Variants in FHIP1A observed in about 807,000 individuals in gnomAD.
FHIP1A encodes the protein FHF complex subunit HOOK-interacting protein 1A.
FHIP1A carries 61 observed loss-of-function variants against 88.6 expected under a neutral mutation model. That is an observed-to-expected ratio of 0.69 (90% CI 0.56 to 0.85). FHIP1A has a LOEUF of 0.85. Among genes scored for constraint, FHIP1A ranks in the 40% least tolerant of loss-of-function variants. The probability of loss-of-function intolerance (pLI) is 0.00; values close to 1 mark genes in which losing one functional copy is unlikely to be tolerated. For missense variants in FHIP1A, 1,154 were observed against 1,273.5 expected (o/e 0.91, Z 1.43); for synonymous variants, 478 against 496.0 (o/e 0.96, Z 0.48).
chr4:151,657,783 G>C (rs1371953829), intron 13 of FHIP1A, among the ~76,000 whole-genome samples: 1 of 152,306 alleles, frequency 6.6e-6, no homozygotes, highest in African/African-American at 2.4e-5. Context: ...GGCAGTGAGC[G>C]GCAGAAATGA....
At chr4:151,531,256 A>G (rs1684441574) in intron 3 of FHIP1A, among the ~76,000 whole-genome samples, 1 of 151,778 alleles carries the variant, frequency 6.6e-6, no homozygotes, top group African/African-American at 2.4e-5. Flanking sequence ...GTTCAGGCAT[A>G]ATATCTGCTG....
chr4:151,639,222 T>C (rs1736478077), intron 9 of FHIP1A, among the ~76,000 whole-genome samples: 1 of 152,256 alleles, frequency 6.6e-6, no homozygotes, highest in Admixed American at 6.5e-5. Context: ...TGTGAGTATA[T>C]TTCAGTTAAA....
At chr4:151,425,136 A>C (rs1733313302) in intron 1 of FHIP1A, among the ~76,000 whole-genome samples, 1 of 152,224 alleles carries the variant, frequency 6.6e-6, no homozygotes, top group African/African-American at 2.4e-5. Context: ...TATAGGAAAT[A>C]CACAGAACCA....
intron 3 of FHIP1A, among the ~76,000 whole-genome samples, chr4:151,523,064 C>T (rs1290289612): frequency 1.3e-5 from 2 of 152,188 alleles, no homozygotes; most frequent in Admixed American, 1.3e-4. Context: ...TAGAGAATGG[C>T]AAATGCAGTC....
chr4:151,513,727 G>T (rs1263849467), intron 3 of FHIP1A, among the ~76,000 whole-genome samples: 1 of 152,038 alleles, frequency 6.6e-6, no homozygotes, highest in Non-Finnish European at 1.5e-5. Flanking sequence ...TAATGGTAAA[G>T]GGATCAATTC....
At chr4:151,623,333 C>T (rs976604436) in intron 7 of FHIP1A, among the ~76,000 whole-genome samples, 5 of 152,052 alleles carry the variant, frequency 3.3e-5, no homozygotes, top group Non-Finnish European at 5.9e-5. Flanking sequence ...GTAGCCTATC[C>T]CTTGTGACCA....
In FHIP1A at chr4:151,547,224, A is replaced by AGTGCTGGTGATATGTTAGAAAG. The variant is rs552623239; in HGVS notation, c.-122-18913_-122-18892dup. Among the ~76,000 whole-genome samples, 1,337 of 152,276 alleles carry AGTGCTGGTGATATGTTAGAAAG rather than the reference A, an allele frequency of 8.8e-3. 69 individuals carry two copies. Among genetic ancestry groups the AGTGCTGGTGATATGTTAGAAAG allele is most frequent in the Admixed American group, 0.073 (1,118 of 15,276 alleles). On this transcript the variant is annotated intron_variant, in intron 3 of 13. Transcript: ENST00000435205. ...CAGTGGCAGAAGTACCTGCAGATAC[A>AGTGCTGGTGATATGTTAGAAAG]GTGCTGGTGATATGTTAGAAAGAAG...
chr4:151,621,560 G>A (rs977989025), intron 7 of FHIP1A, among the ~76,000 whole-genome samples: 2 of 150,416 alleles, frequency 1.3e-5, no homozygotes, highest in Non-Finnish European at 3.0e-5. Flanking sequence ...AGGGGGTGGT[G>A]GGGGGTGCGT....
intron 2 of FHIP1A, among the ~76,000 whole-genome samples, chr4:151,455,402 C>A (rs375076655): frequency 9.8e-5 from 15 of 152,310 alleles, no homozygotes; most frequent in South Asian, 8.3e-4. Context: ...GAGGGCAGGT[C>A]ATCCCTCAGC....
At chr4:151,560,128 A>G (rs1039324398) in intron 3 of FHIP1A, among the ~76,000 whole-genome samples, 1 of 152,204 alleles carries the variant, frequency 6.6e-6, no homozygotes, top group African/African-American at 2.4e-5. Flanking sequence ...TCATGGATGT[A>G]TATGGAATTT....
At chr4:151,593,809 T>C (rs1197805238) in intron 7 of FHIP1A, among the ~76,000 whole-genome samples, 3 of 152,120 alleles carry the variant, frequency 2.0e-5, no homozygotes, top group Non-Finnish European at 4.4e-5. Context: ...TGAATAGGAG[T>C]GGTGAGAGAG....
chr4:151,609,703 C>T (rs1735221957), intron 7 of FHIP1A, among the ~76,000 whole-genome samples: 1 of 152,082 alleles, frequency 6.6e-6, no homozygotes, highest in Admixed American at 6.6e-5. Context: ...GGCATGTGTT[C>T]AGCTGATACC....
chr4:151,626,194 T>TATTA (rs1233058332), intron 7 of FHIP1A, among the ~76,000 whole-genome samples: 1 of 152,216 alleles, frequency 6.6e-6, no homozygotes, highest in African/African-American at 2.4e-5. Flanking sequence ...GGCACTCTAA[T>TATTA]ATTTTCTATT....
rs1737634983 is a variant in FHIP1A at position 151,665,639 on chromosome 4, G to A, written c.*2885G>A. The stretch of plus-strand genomic sequence containing the variant: ...AGAGCAAATCCTGCACGATTCGGGG[G>A]AGTGAACATTGATCTAGGCGGATAT... On this transcript the variant is annotated 3_prime_UTR_variant, in exon 14 of 14. Coordinates refer to ENST00000435205, the MANE Select transcript of FHIP1A (RefSeq NM_001109977.3). Among the ~76,000 whole-genome samples the A allele has an allele frequency of 6.6e-6, 1 of 152,196 alleles. No homozygotes were observed.
rs1732325138 is a variant in FHIP1A, at chr4:151,542,312, C to CT, written c.-122-23819dup. On this transcript the variant is annotated intron_variant, in intron 3 of 13. Transcript: ENST00000435205. ...TTAAGGAAATCAAAATACATGGAAA[C>CT]TTTTTTTGTCCAGCCCTTGGTGGAA... Among the ~76,000 whole-genome samples, 5 of 152,198 alleles carry CT rather than the reference C, an allele frequency of 3.3e-5. No individual in the cohort carries two copies. The South Asian group carries it at 8.3e-4, about 25-fold the overall frequency.
chr4:151,655,194 A>G (rs934592993), intron 11 of FHIP1A, among the ~76,000 whole-genome samples: 3 of 152,260 alleles, frequency 2.0e-5, no homozygotes, highest in Admixed American at 6.5e-5. Context: ...CGTTGTAAAC[A>G]TGCCATGGTT....
chr4:151,632,141 G>A (rs1736180026), intron 8 of FHIP1A, among the ~76,000 whole-genome samples: 1 of 151,880 alleles, frequency 6.6e-6, no homozygotes, highest in Non-Finnish European at 1.5e-5. Flanking sequence ...GAAAGCAGAG[G>A]TGGTTGTACT....
intron 2 of FHIP1A, among the ~76,000 whole-genome samples, chr4:151,479,079 T>C (rs1475311609): frequency 2.0e-5 from 3 of 152,110 alleles, no homozygotes; most frequent in African/African-American, 7.2e-5. Flanking sequence ...AAATTGAAGA[T>C]TGAAGCTTCA....
chr4:151,498,671 C>T (rs377378993), intron 3 of FHIP1A, among the ~76,000 whole-genome samples: 27 of 152,008 alleles, frequency 1.8e-4, no homozygotes, highest in African/African-American at 5.6e-4. Context: ...AAAAATTAGC[C>T]GCGCATGGTG....
Sources: allele counts gnomAD v4.1 joint callset (sites outside exome capture counted in the v4.1 genomes callset), GRCh38; gene constraint gnomAD v4.1.1; transcripts MANE v1.5; gene names NCBI Gene and HGNC (gene_info 2026-07-23, HGNC 2026-07-21).